The following SORL1 variants were observed in gnomAD, a reference collection of about 807,000 sequenced individuals.
The protein encoded by SORL1 is sortilin-related receptor.
SORL1 carries 127 observed loss-of-function variants against 273.7 expected under a neutral mutation model. The observed-to-expected ratio is 0.46, with a 90% CI of 0.40 to 0.54. SORL1 has a LOEUF of 0.54. Among genes scored for constraint, SORL1 ranks in the 20% least tolerant of loss-of-function variants. The pLI, the probability that SORL1 is intolerant of heterozygous loss-of-function variation, is 0.00. For synonymous variants in SORL1, 1,031 were observed against 1,067.4 expected (o/e 0.97, Z 0.66); for missense variants, 2,494 against 2,846.1 (o/e 0.88, Z 2.81).
At chr11:121,491,219 A>G (rs1197478578) in intron 5 of SORL1, among the ~76,000 whole-genome samples, 1 of 152,176 alleles carries the variant, frequency 6.6e-6, no homozygotes, top group Admixed American at 6.5e-5. Context: ...TCGCTTGATA[A>G]AGGAATTTGG....
intron 1 of SORL1, among the ~76,000 whole-genome samples, chr11:121,465,581 G>A (rs1334986510): frequency 6.6e-6 from 1 of 151,798 alleles, no homozygotes; most frequent in Non-Finnish European, 1.5e-5. Context: ...AGGCTGGAGT[G>A]CAGTGGCATG....
chr11:121,520,845 G>A lies in SORL1; in HGVS notation c.1400G>A (p.Cys467Tyr), dbSNP rs1862030694. The change falls in exon 9 of 48, where the codon TGT (cysteine) becomes TAT (tyrosine). Residue 467 changes from cysteine (C) to tyrosine (Y), a missense_variant. Coordinates refer to ENST00000260197, the MANE Select transcript of SORL1 (RefSeq NM_003105.6). ...AFTGYGEKIN[C>Y]ELSQGCSLHL... ...ACGGGATATGGAGAGAAAATCAATT[G>A]TGAGGTATTGATGCTTTAATCTTCT... is the stretch of plus-strand genomic sequence containing the variant. 1.3e-6 allele frequency: 2 copies of A among 1,590,076 alleles called. No individual in the cohort carries two copies. The highest frequency in any genetic ancestry group is 1.7e-6 in the Non-Finnish European group (2 of 1,171,690).
rs78051777 is a variant in SORL1 at position 121,481,456 on chromosome 11, T to C, written c.528+3213T>C. Among the ~76,000 whole-genome samples, 328 of 61,070 alleles carry C rather than the reference T, an allele frequency of 5.4e-3. No individual in the cohort carries two copies. Among genetic ancestry groups the C allele is most frequent in the Middle Eastern group, 0.015 (1 of 68 alleles). 40.1% of individuals were successfully genotyped at this position (61,070 alleles called of 152,430 possible). A position where few individuals can be genotyped will look rare whatever the true frequency, so the allele number is the denominator to read the frequency against. ...GTGCACAGATACCTATAGGCAGGCTTCATCTCCTCCTCCCCAGCTCCTCCC... is the reference window on the plus strand; with the variant it reads ...GTGCACAGATACCTATAGGCAGGCTCCATCTCCTCCTCCCCAGCTCCTCCC... On this transcript the variant is annotated intron_variant, in intron 3 of 47. Transcript: ENST00000260197.
intron 14 of SORL1, among the ~76,000 whole-genome samples, chr11:121,547,924 G>C (rs1258499540): frequency 1.3e-5 from 2 of 152,170 alleles, no homozygotes; most frequent in Non-Finnish European, 2.9e-5. Context: ...TGAACACCAG[G>C]TTATTTCTGA....
intron 6 of SORL1, among the ~76,000 whole-genome samples, chr11:121,503,252 A>G (rs1474622934): frequency 6.6e-6 from 1 of 151,854 alleles, no homozygotes; most frequent in Non-Finnish European, 1.5e-5. Context: ...ACTATTGCCT[A>G]ATCTGAGGTC....
At chr11:121,624,958 G>A in intron 45 of SORL1, 127 bp from the exon 46 acceptor site, 3 of 627,862 alleles carry the variant, frequency 4.8e-6, no homozygotes, top group Non-Finnish European at 8.2e-6. Context: ...AGAACAAGGA[G>A]AAACCCAGGG....
At chr11:121,455,290 A>T (rs765067970) in intron 1 of SORL1, among the ~76,000 whole-genome samples, 1 of 152,124 alleles carries the variant, frequency 6.6e-6, no homozygotes, top group Non-Finnish European at 1.5e-5. Context: ...AGCGCATGGG[A>T]GATGGAGAGA....
intron 41 of SORL1, among the ~76,000 whole-genome samples, chr11:121,617,246 G>A (rs1273326674): frequency 1.3e-5 from 2 of 152,204 alleles, no homozygotes; most frequent in African/African-American, 4.8e-5. Context: ...TATGTTAATA[G>A]AGATTCTTTA....
chr11:121,520,649 T>A lies in SORL1; in HGVS notation c.1212-8T>A. 1 of 1,544,236 alleles carries A rather than the reference T, an allele frequency of 6.5e-7. No individual in the cohort carries two copies. The highest frequency in any genetic ancestry group is 8.8e-7 in the Non-Finnish European group (1 of 1,141,540). Reference sequence around the variant, plus strand: ...TCAGGTTCATAGCTGTTTATTTTCATATTGTAGGTATTTTGCAAATGAACC... The same window carrying A: ...TCAGGTTCATAGCTGTTTATTTTCAAATTGTAGGTATTTTGCAAATGAACC... On this transcript the variant is annotated splice_region_variant and splice_polypyrimidine_tract_variant and intron_variant, in intron 8 of 47. Coordinates refer to ENST00000260197, the MANE Select transcript of SORL1 (RefSeq NM_003105.6).
chr11:121,616,239 G>A lies in SORL1; in HGVS notation c.5604+1184G>A, dbSNP rs191958248. ...TGATTTAGGGTCTCCAATTGTGCAT[G>A]AAGTTGGAGGAGGCTTCCTGCACCT... On this transcript the variant is annotated intron_variant, in intron 41 of 47. Coordinates refer to ENST00000260197, the MANE Select transcript of SORL1 (RefSeq NM_003105.6). Among the ~76,000 whole-genome samples, 942 of 152,330 alleles carry A rather than the reference G, an allele frequency of 6.2e-3. 7 individuals are homozygous for A. The highest frequency in any genetic ancestry group is 0.024 in the Middle Eastern group (7 of 294).
Position 121,588,161 on chromosome 11 carries a change from G to T in SORL1, c.3946+10G>T. 6.2e-7 allele frequency: 1 copy of T among 1,612,474 alleles called. No individual in the cohort carries two copies. Reference sequence around the variant, plus strand: ...GCGTTTGCAGGATGCTGTGAGTTGGGGCAGGCAGGGGAGGTGACTCACGGT... The same window carrying T: ...GCGTTTGCAGGATGCTGTGAGTTGGTGCAGGCAGGGGAGGTGACTCACGGT... On this transcript the variant is annotated intron_variant, in intron 28 of 47. Transcript: ENST00000260197.
chr11:121,477,282 G>A (rs1240812686), intron 2 of SORL1, among the ~76,000 whole-genome samples: 1 of 152,004 alleles, frequency 6.6e-6, no homozygotes, highest in African/African-American at 2.4e-5. Flanking sequence ...TTCCATCTTG[G>A]GCTACGTGGT....
chr11:121,479,384 A>T (rs754643277), intron 3 of SORL1, among the ~76,000 whole-genome samples: 2 of 152,194 alleles, frequency 1.3e-5, no homozygotes, highest in Non-Finnish European at 2.9e-5. Flanking sequence ...AAACTAAGAG[A>T]AACATTCTAG....
chr11:121,582,096 A>G (rs1404419135), intron 25 of SORL1, among the ~76,000 whole-genome samples: 2 of 152,266 alleles, frequency 1.3e-5, no homozygotes, highest in African/African-American at 2.4e-5. Flanking sequence ...TTGTATATAC[A>G]TGCTGCCAAA....
intron 38 of SORL1, chr11:121,610,650 T>G (rs1339036050): frequency 6.4e-6 from 1 of 155,804 alleles, no homozygotes; most frequent in Non-Finnish European, 1.4e-5. Flanking sequence ...CTTTCCATTT[T>G]GCCACACGCA....
At chr11:121,541,203 C>CTTT (rs35609606) in intron 12 of SORL1, among the ~76,000 whole-genome samples, 6 of 127,164 alleles carry the variant, frequency 4.7e-5, no homozygotes, top group South Asian at 2.6e-4. Context: ...GTAGCAGTAT[C>CTTT]TTTTTTTTTT....
chr11:121,566,968 C>T lies in SORL1; in HGVS notation c.3078C>T (p.Cys1026=). 6.2e-7 allele frequency: 1 copy of T among 1,613,882 alleles called. No individual in the cohort carries two copies. The highest frequency in any genetic ancestry group is 8.5e-7 in the Non-Finnish European group (1 of 1,179,888). ...GCAATGCCTGTGTGCCCAGGCCATG[C>T]AGCCTGCTGTGCCTGCCCAAGGCCA... is the stretch of plus-strand genomic sequence containing the variant. ...TGSNACVPRP[C]SLLCLPKANN... The change falls in exon 22 of 48, where the codon TGC becomes TGT. Residue 1026 remains cysteine, a synonymous_variant. Transcript: ENST00000260197.
chr11:121,562,077 A>G (rs955012487), intron 21 of SORL1, among the ~76,000 whole-genome samples: 1 of 152,030 alleles, frequency 6.6e-6, no homozygotes, highest in African/African-American at 2.4e-5. Context: ...TTTTTTGGAC[A>G]TTGTATTACA....
At chr11:121,587,976 G>A (rs1446502684) in intron 27 of SORL1, 44 bp from the exon 28 acceptor site, 2 of 1,607,282 alleles carry the variant, frequency 1.2e-6, no homozygotes, top group East Asian at 2.2e-5. Context: ...GGCCCAGCCA[G>A]CCGCAGTGCT....
Sources: allele counts gnomAD v4.1 joint callset (sites outside exome capture counted in the v4.1 genomes callset), GRCh38; gene constraint gnomAD v4.1.1; transcripts MANE v1.5; gene names NCBI Gene and HGNC (gene_info 2026-07-23, HGNC 2026-07-21).